The following JPH1 variants were observed in gnomAD, a reference collection of about 807,000 sequenced individuals.
The protein encoded by JPH1 is junctophilin-1.
Under a neutral mutation model 53.6 loss-of-function variants are expected in JPH1, and 12 were observed. The ratio of observed to expected loss-of-function variants is 0.22; its 90% CI spans 0.14 to 0.36. The LOEUF (loss-of-function observed/expected upper bound fraction) is 0.36, where lower values mean the gene tolerates loss of function less well. Ranked by LOEUF, JPH1 falls within the 10% of genes least tolerant of loss-of-function variation. JPH1 has a pLI of 1.00. For synonymous variants in JPH1, 375 were observed against 363.8 expected (o/e 1.03, Z -0.35); for missense variants, 808 against 905.5 (o/e 0.89, Z 1.38).
At position 74,236,780 on chromosome 8, in the gene JPH1, AATTATT is replaced by A. The variant is rs1392023725; in HGVS notation, c.*265_*270del. ...GCTGCTTCAGCAGATTTTAAAAAAG[AATTATT>A]ATTAAGTTTTGCTCTCCAACATGGC... On this transcript the variant is annotated 3_prime_UTR_variant, in exon 6 of 6. Coordinates refer to ENST00000342232, the MANE Select transcript of JPH1 (RefSeq NM_020647.4). The A allele has an allele frequency of 6.5e-6, 1 of 154,290 alleles. No homozygotes were observed. The highest frequency in any genetic ancestry group is 2.4e-5 in the African/African-American group (1 of 41,462). The allele number at this position is 154,290 out of a possible 1,614,324, so 9.6% of individuals were successfully genotyped here.
chr8:74,310,153 T>C (rs1311821828), intron 2 of JPH1, among the ~76,000 whole-genome samples: 1 of 152,084 alleles, frequency 6.6e-6, no homozygotes, highest in African/African-American at 2.4e-5. Context: ...AGCATCTTCA[T>C]CTAAGAGCAG....
intron 2 of JPH1, among the ~76,000 whole-genome samples, chr8:74,274,454 G>A (rs532255379): frequency 3.3e-5 from 5 of 152,122 alleles, no homozygotes; most frequent in Non-Finnish European, 7.4e-5. Flanking sequence ...GAAACTGCAC[G>A]CACATAAAAA....
chr8:74,238,719 G>A (rs1370580067), intron 4 of JPH1, among the ~76,000 whole-genome samples: 2 of 152,228 alleles, frequency 1.3e-5, no homozygotes, highest in Non-Finnish European at 2.9e-5. Flanking sequence ...ATGCAGTGGT[G>A]TGATCTCAGC....
chr8:74,243,364 G>A (rs1418872459), intron 4 of JPH1, among the ~76,000 whole-genome samples: 1 of 152,200 alleles, frequency 6.6e-6, no homozygotes, highest in Non-Finnish European at 1.5e-5. Flanking sequence ...CTCCTAGGAA[G>A]TTGGTCCAGT....
Position 74,237,268 on chromosome 8 carries a change from C to T in JPH1, c.1941G>A (p.Leu647=). The part of the protein sequence containing the change: ...PNSIMIVLVM[L]LNIGLAILFV... ...AAAGAATGGCCAACCCGATATTCAA[C>T]AGCATGACAAGGACAATCATGATTG... The change falls in exon 5 of 6, where the codon CTG becomes CTA. Residue 647 remains leucine (L), a synonymous_variant. Coordinates refer to ENST00000342232, the MANE Select transcript of JPH1 (RefSeq NM_020647.4). 6.2e-7 allele frequency: 1 copy of T among 1,613,536 alleles called. No homozygotes were observed.
intron 2 of JPH1, among the ~76,000 whole-genome samples, chr8:74,291,862 T>G (rs1163716176): frequency 6.6e-6 from 1 of 152,202 alleles, no homozygotes; most frequent in African/African-American, 2.4e-5. Flanking sequence ...AAGGATGAGT[T>G]CATGTCCTTT....
Position 74,315,387 on chromosome 8 carries a change from C to A in JPH1, c.613G>T (p.Gly205Cys), listed in dbSNP as rs759253772. ...LNFHADAELAGKKKGGLFRRG... is the reference protein window; with the variant it reads ...LNFHADAELACKKKGGLFRRG... ...CGGAAGAGGCCGCCCTTCTTCTTGCCCGCTAGCTCAGCGTCTGCGTGGAAG... is the reference window on the plus strand; with the variant it reads ...CGGAAGAGGCCGCCCTTCTTCTTGCACGCTAGCTCAGCGTCTGCGTGGAAG... Residue 205 changes from glycine to cysteine, a missense_variant, in exon 2 of 6, where the codon GGC becomes TGC. Physicochemically the swap from Gly to Cys is radical, Grantham distance 159. Coordinates refer to ENST00000342232, the MANE Select transcript of JPH1 (RefSeq NM_020647.4). This position sits in a 1 kb window ranked among gnomAD's most constrained non-coding sequence, Gnocchi z 6.3. 6.2e-7 allele frequency: 1 copy of A among 1,612,458 alleles called. No individual in the cohort carries two copies. Among genetic ancestry groups the A allele is most frequent in the East Asian group, 2.2e-5 (1 of 44,882 alleles).
chr8:74,277,262 G>C (rs554120837), intron 2 of JPH1, among the ~76,000 whole-genome samples: 1 of 152,166 alleles, frequency 6.6e-6, no homozygotes, highest in Non-Finnish European at 1.5e-5. Context: ...GGCCCTCACT[G>C]TTCCCTTCCC....
At chr8:74,307,828 G>T (rs1313205507) in intron 2 of JPH1, among the ~76,000 whole-genome samples, 1 of 152,152 alleles carries the variant, frequency 6.6e-6, no homozygotes, top group Non-Finnish European at 1.5e-5. Context: ...AGATCCCCTT[G>T]TTGAGAATAA....
At chr8:74,296,549 G>T (rs1057509798) in intron 2 of JPH1, among the ~76,000 whole-genome samples, 4 of 152,092 alleles carry the variant, frequency 2.6e-5, no homozygotes, top group African/African-American at 9.7e-5. Context: ...CAATGAATGG[G>T]GAAAGGAGGA....
At chr8:74,237,442 G>A in intron 4 of JPH1, 139 bp from the exon 5 acceptor site, 1 of 652,654 alleles carries the variant, frequency 1.5e-6, no homozygotes, top group South Asian at 2.1e-5. Flanking sequence ...AGTTCGGAAA[G>A]GTGTAGACTA....
intron 2 of JPH1, among the ~76,000 whole-genome samples, chr8:74,283,720 C>T (rs1446677423): frequency 1.3e-5 from 2 of 152,240 alleles, no homozygotes; most frequent in African/African-American, 2.4e-5. Context: ...AGTGCACACA[C>T]AGCTCCCCCT....
chr8:74,260,461 T>C (rs533073890), intron 2 of JPH1, among the ~76,000 whole-genome samples: 2 of 152,348 alleles, frequency 1.3e-5, no homozygotes, highest in South Asian at 2.1e-4. Context: ...CGTTAGTCTT[T>C]AGATGTTTAT....
intron 3 of JPH1, among the ~76,000 whole-genome samples, chr8:74,251,199 T>G (rs1477691948): frequency 1.3e-5 from 2 of 152,166 alleles, no homozygotes; most frequent in African/African-American, 4.8e-5. Context: ...CTCAGGCTTC[T>G]CCTCCTCTGG....
At chr8:74,287,412 T>A (rs1807198696) in intron 2 of JPH1, among the ~76,000 whole-genome samples, 2 of 148,980 alleles carry the variant, frequency 1.3e-5, no homozygotes, top group Admixed American at 6.6e-5. Context: ...AGAGCGAGAC[T>A]CTGTCTCAAA....
chr8:74,258,741 C>T (rs2131392848), intron 3 of JPH1, among the ~76,000 whole-genome samples: 1 of 152,286 alleles, frequency 6.6e-6, no homozygotes, highest in East Asian at 1.9e-4. Flanking sequence ...CTGTAGCTGT[C>T]ACTAAAATAA....
intron 3 of JPH1, among the ~76,000 whole-genome samples, chr8:74,257,881 C>T (rs1806282605): frequency 1.3e-5 from 2 of 152,224 alleles, no homozygotes; most frequent in South Asian, 4.2e-4. Context: ...CATTCAACAA[C>T]CACCTTGGGT....
chr8:74,299,436 C>T (rs182950472), intron 2 of JPH1, among the ~76,000 whole-genome samples: 21 of 152,214 alleles, frequency 1.4e-4, no homozygotes, highest in Admixed American at 1.4e-3. Context: ...GTGTCAATCA[C>T]TGAGTTTTGG....
At chr8:74,310,707 CA>C (rs1807968714) in intron 2 of JPH1, among the ~76,000 whole-genome samples, 1 of 152,130 alleles carries the variant, frequency 6.6e-6, no homozygotes, top group Non-Finnish European at 1.5e-5. Flanking sequence ...ATCTTTGGGC[CA>C]AAGACAGTTT....
Sources: allele counts gnomAD v4.1 joint callset (sites outside exome capture counted in the v4.1 genomes callset), GRCh38; gene constraint gnomAD v4.1.1; non-coding constraint Gnocchi (gnomAD v3.1); transcripts MANE v1.5; gene names NCBI Gene and HGNC (gene_info 2026-07-23, HGNC 2026-07-21).